SULF1: variants seen among roughly 807,000 people sequenced by gnomAD.
The protein encoded by SULF1 is sulfatase 1.
In SULF1, 46 loss-of-function variants were observed where a neutral mutation model predicts 110.5. The observed-to-expected ratio is 0.42, with a 90% confidence interval of 0.33 to 0.53. SULF1 has a LOEUF of 0.53. SULF1 is among the 20% of genes least tolerant of loss of function. The pLI is 0.12. For synonymous variants in SULF1, 371 were observed against 387.1 expected (o/e 0.96, Z 0.49); for missense variants, 941 against 1,094.2 (o/e 0.86, Z 1.98).
chr8:69,583,982 T>C (rs965767150), intron 6 of SULF1, among the ~76,000 whole-genome samples: 6 of 152,006 alleles, frequency 3.9e-5, no homozygotes, highest in African/African-American at 1.4e-4. Flanking sequence ...AGAGGAAACA[T>C]TAGCTGGAGA....
chr8:69,594,410 G>A (rs2130335697), intron 8 of SULF1, among the ~76,000 whole-genome samples: 1 of 141,482 alleles, frequency 7.1e-6, no homozygotes, highest in Non-Finnish European at 1.5e-5. Flanking sequence ...GACTGTGTGT[G>A]TGTGCATGTA....
chr8:69,502,511 G>A (rs1006762625), intron 3 of SULF1, among the ~76,000 whole-genome samples: 1 of 152,102 alleles, frequency 6.6e-6, no homozygotes, highest in African/African-American at 2.4e-5. Flanking sequence ...TAGGGTTTGG[G>A]TTCATATGAG....
intron 5 of SULF1, among the ~76,000 whole-genome samples, chr8:69,571,141 G>A (rs186300197): frequency 1.3e-3 from 192 of 152,306 alleles, no homozygotes; most frequent in African/African-American, 4.4e-3. Context: ...CATAGAAAAG[G>A]TAGTTGACCT....
chr8:69,633,580 AC>A (rs1400613437), intron 19 of SULF1, among the ~76,000 whole-genome samples: 1 of 151,038 alleles, frequency 6.6e-6, no homozygotes, highest in Non-Finnish European at 1.5e-5. Context: ...CAGGTGATCC[AC>A]CCGCCTCGGC....
chr8:69,492,165 A>G (rs987151966), upstream of SULF1, among the ~76,000 whole-genome samples: 1 of 152,016 alleles, frequency 6.6e-6, no homozygotes. Flanking sequence ...GGCGCAGGAC[A>G]GGATAATAAT....
chr8:69,609,885 G>A (rs1474130559), intron 13 of SULF1, among the ~76,000 whole-genome samples: 5 of 152,132 alleles, frequency 3.3e-5, no homozygotes, highest in Admixed American at 1.3e-4. Flanking sequence ...TGATTCCTAC[G>A]TGCAGACAAG....
intron 3 of SULF1, among the ~76,000 whole-genome samples, chr8:69,540,852 T>C (rs1161285592): frequency 6.6e-6 from 1 of 152,166 alleles, no homozygotes; most frequent in Admixed American, 6.5e-5. Context: ...ACCTGTCAAA[T>C]TCTAGATGAC....
At chr8:69,656,970 C>T (rs1294743695) in intron 22 of SULF1, among the ~76,000 whole-genome samples, 1 of 152,192 alleles carries the variant, frequency 6.6e-6, no homozygotes, top group African/African-American at 2.4e-5. Flanking sequence ...TTCTCTGCAA[C>T]CTTGCCAGCA....
At position 69,576,148 on chromosome 8, in the gene SULF1, G is replaced by T. The variant is rs780889123; in HGVS notation, c.351G>T (p.Trp117Cys). 6.2e-7 allele frequency: 1 copy of T among 1,614,144 alleles called. No homozygotes were observed. Among genetic ancestry groups the T allele is most frequent in the Non-Finnish European group, 8.5e-7 (1 of 1,180,020 alleles). Residue 117 changes from tryptophan (W) to cysteine (C), a missense_variant, in exon 6 of 23, where the codon TGG becomes TGT. By Grantham distance (215) the Trp-to-Cys change is radical. Transcript: ENST00000402687. Reference sequence around the variant, plus strand: ...ACGAGAACTGCTCTTCCCCCTCGTGGCAGGCCATGCATGAGCCTCGGACTT... The same window carrying T: ...ACGAGAACTGCTCTTCCCCCTCGTGTCAGGCCATGCATGAGCCTCGGACTT... ...TNNENCSSPS[W>C]QAMHEPRTFA...
chr8:69,612,229 A>T (rs1375369187), intron 13 of SULF1, among the ~76,000 whole-genome samples: 1 of 152,028 alleles, frequency 6.6e-6, no homozygotes, highest in Non-Finnish European at 1.5e-5. Flanking sequence ...TATATACCAC[A>T]TTTTCTTTAT....
chr8:69,616,328 T>C (rs955315717), intron 13 of SULF1, among the ~76,000 whole-genome samples: 30 of 151,964 alleles, frequency 2.0e-4, no homozygotes, highest in African/African-American at 6.8e-4. Context: ...CAAGCCATTC[T>C]CCTGCCTCAG....
At chr8:69,500,815 G>T (rs1810745238) in intron 2 of SULF1, among the ~76,000 whole-genome samples, 2 of 152,126 alleles carry the variant, frequency 1.3e-5, no homozygotes, top group Admixed American at 6.5e-5. Context: ...GAGTTTCACT[G>T]CTGTTTGGAG....
chr8:69,639,090 A>G (rs541261499), intron 21 of SULF1, among the ~76,000 whole-genome samples: 1 of 152,338 alleles, frequency 6.6e-6, no homozygotes, highest in East Asian at 1.9e-4. Context: ...AATATCTCCC[A>G]CAGGTCTATT....
chr8:69,524,149 A>G (rs1296313510), intron 3 of SULF1, among the ~76,000 whole-genome samples: 2 of 115,354 alleles, frequency 1.7e-5, no homozygotes, highest in South Asian at 6.7e-4. Flanking sequence ...GAGAGCATGG[A>G]GGGAGGGAGA....
At chr8:69,655,012 T>G in intron 22 of SULF1, among the ~76,000 whole-genome samples, 1 of 152,220 alleles carries the variant, frequency 6.6e-6, no homozygotes, top group Non-Finnish European at 1.5e-5. Flanking sequence ...TCCTATCCTG[T>G]AATAATATTT....
chr8:69,507,214 G>C (rs1331030964), intron 3 of SULF1, among the ~76,000 whole-genome samples: 2 of 152,148 alleles, frequency 1.3e-5, no homozygotes, highest in African/African-American at 4.8e-5. Context: ...GTTTTAAATT[G>C]GTTCCTTTTT....
chr8:69,560,661 AT>A (rs1201764261), intron 3 of SULF1, among the ~76,000 whole-genome samples: 1 of 152,236 alleles, frequency 6.6e-6, no homozygotes, highest in African/African-American at 2.4e-5. Context: ...AAAGTATCCA[AT>A]TCAAACATTG....
intron 3 of SULF1, among the ~76,000 whole-genome samples, chr8:69,547,378 C>T (rs1814344023): frequency 1.3e-5 from 2 of 152,142 alleles, no homozygotes; most frequent in Admixed American, 1.3e-4. Flanking sequence ...ACCACCTAAG[C>T]ATAGGAAAAA....
At chr8:69,580,902 T>C (rs1289878704) in intron 6 of SULF1, among the ~76,000 whole-genome samples, 1 of 152,222 alleles carries the variant, frequency 6.6e-6, no homozygotes, top group South Asian at 2.1e-4. Flanking sequence ...AAAATTTATG[T>C]TACTTATAGC....
Sources: allele counts gnomAD v4.1 joint callset (sites outside exome capture counted in the v4.1 genomes callset), GRCh38; gene constraint gnomAD v4.1.1; transcripts MANE v1.5; gene names NCBI Gene and HGNC (gene_info 2026-07-23, HGNC 2026-07-21).